C11orf65: variants seen among roughly 807,000 people sequenced by gnomAD.
The protein encoded by C11orf65 is chromosome 11 open reading frame 65.
A neutral mutation model predicts 35.3 loss-of-function variants in C11orf65; 38 were observed. That is an observed-to-expected ratio of 1.08 (90% CI 0.83 to 1.41). The LOEUF (loss-of-function observed/expected upper bound fraction) is 1.41, where lower values mean the gene tolerates loss of function less well. C11orf65 is among the 40% of genes most tolerant of loss of function. The pLI is 0.00. For missense variants in C11orf65, 370 were observed against 367.1 expected, an observed-to-expected ratio of 1.01 and a Z score of -0.06; for synonymous variants, 105 against 114.4, an observed-to-expected ratio of 0.92 and a Z score of 0.53.
chr11:108,351,406 C>T (rs958890722), intron 2 of C11orf65, among the ~76,000 whole-genome samples: 3 of 152,176 alleles, frequency 2.0e-5, no homozygotes, highest in African/African-American at 7.2e-5. Context: ...CCTGTTGCTG[C>T]ATAACAAACC....
chr11:108,355,278 A>G lies in C11orf65; in HGVS notation c.227-19986T>C, dbSNP rs1455379813. On this transcript the variant is annotated intron_variant, in intron 2 of 3. Coordinates refer to the C11orf65 transcript ENST00000524755. ...TCAGACAAATGGAGATCAAATTGTCAGCATCATTACTAGAGGAACATGGCT... is the reference window on the plus strand; with the variant it reads ...TCAGACAAATGGAGATCAAATTGTCGGCATCATTACTAGAGGAACATGGCT... The G allele has an allele frequency of 2.1e-5, 5 of 234,530 alleles. No homozygotes were observed. The East Asian group carries it at 5.3e-4, about 25-fold the overall frequency. 14.5% of individuals were successfully genotyped at this position (234,530 alleles called of 1,614,324 possible).
chr11:108,450,209 G>T (rs970603985), intron 2 of C11orf65, among the ~76,000 whole-genome samples: 2 of 151,972 alleles, frequency 1.3e-5, no homozygotes, highest in Admixed American at 6.6e-5. Context: ...TTCAACCATT[G>T]TGGAAGTCAG....
chr11:108,333,011 C>G, intron 3 of C11orf65: 1 of 1,348,232 alleles, frequency 7.4e-7, no homozygotes, highest in Non-Finnish European at 1.0e-6. Context: ...CAAACGTAAT[C>G]CAAAAGCTTA....
Position 108,354,914 on chromosome 11 carries a change from C to T in C11orf65, c.227-19622G>A, listed in dbSNP as rs1191829305. 5.9e-6 allele frequency: 9 copies of T among 1,524,630 alleles called. No individual in the cohort carries two copies. The African/African-American group carries it at 1.1e-4, about 19-fold the overall frequency. The allele number at this position is 1,524,630 out of a possible 1,614,324, so 94.4% of individuals were successfully genotyped here. ...AAGGAAGACTTTATTTTTTTTCTTA[C>T]CAGGTAGACTGTGTATCTCATCAGG... On this transcript the variant is annotated intron_variant, in intron 2 of 3. Coordinates refer to the C11orf65 transcript ENST00000524755.
At chr11:108,334,491 T>C (rs4988132) in intron 3 of C11orf65, among the ~76,000 whole-genome samples, 2,171 of 152,302 alleles carry the variant, frequency 0.014, 61 homozygotes, top group African/African-American at 0.049. Flanking sequence ...GGGATATATG[T>C]AATAAGGGTT....
At chr11:108,384,113 T>C (rs2091931580) in intron 8 of C11orf65, among the ~76,000 whole-genome samples, 1 of 152,158 alleles carries the variant, frequency 6.6e-6, no homozygotes, top group Non-Finnish European at 1.5e-5. Context: ...CCTCCAAACT[T>C]AGCCTCCCAA....
At chr11:108,416,786 T>C (rs2092739052) in intron 3 of C11orf65, among the ~76,000 whole-genome samples, 1 of 152,194 alleles carries the variant, frequency 6.6e-6, no homozygotes, top group African/African-American at 2.4e-5. Flanking sequence ...GGAGTGGTAA[T>C]TCTTTGCTGG....
At position 108,363,662 on chromosome 11, in the gene C11orf65, G is replaced by A. The variant is rs988884350; in HGVS notation, c.227-28370C>T. Among the ~76,000 whole-genome samples, 5 of 152,194 alleles carry A rather than the reference G, an allele frequency of 3.3e-5. No homozygotes were observed. The East Asian group carries it at 9.6e-4, about 29-fold the overall frequency. The stretch of plus-strand genomic sequence containing the variant: ...AAATACCCCATCCAAAATGACAATA[G>A]TGCTGAGACTGAGAAACCCTGCTCT... On this transcript the variant is annotated intron_variant, in intron 2 of 3. Coordinates refer to the C11orf65 transcript ENST00000524755.
At chr11:108,317,685 T>TAC (rs2084863213) in intron 6 of C11orf65, among the ~76,000 whole-genome samples, 2 of 141,466 alleles carry the variant, frequency 1.4e-5, no homozygotes, top group Admixed American at 7.0e-5. Context: ...TATATATATA[T>TAC]ACATACCATA....
intron 2 of C11orf65, among the ~76,000 whole-genome samples, chr11:108,450,651 C>G (rs1394992729): frequency 1.3e-5 from 2 of 148,458 alleles, no homozygotes; most frequent in Non-Finnish European, 3.0e-5. Flanking sequence ...GGAGGGATAG[C>G]ATTAGGAGAT....
chr11:108,430,874 A>G (rs193260286), intron 3 of C11orf65, among the ~76,000 whole-genome samples: 4 of 147,588 alleles, frequency 2.7e-5, no homozygotes, highest in African/African-American at 9.9e-5. Context: ...ACAAAAAAAA[A>G]CCCAAAACCC....
At chr11:108,317,630 TATATATATATATATATATATATACAC>T (rs1200362959) in intron 6 of C11orf65, 3 of 170,766 alleles carry the variant, frequency 1.8e-5, no homozygotes, top group Non-Finnish European at 3.1e-5. Flanking sequence ...TATATATATA[TATATATATATATATATATATATACAC>T]ACACACACAC....
intron 2 of C11orf65, among the ~76,000 whole-genome samples, chr11:108,457,279 A>C (rs1161437972): frequency 6.6e-6 from 1 of 152,180 alleles, no homozygotes; most frequent in Non-Finnish European, 1.5e-5. Context: ...TTCTAAAGTT[A>C]ATAAAAGATA....
At chr11:108,327,252 G>A, downstream of C11orf65, 1 of 254,398 alleles carries the variant, frequency 3.9e-6, no homozygotes, top group Non-Finnish European at 7.7e-6. Context: ...TATTGGCCCT[G>A]AAGTATGTGC....
intron 2 of C11orf65, among the ~76,000 whole-genome samples, chr11:108,455,550 G>A (rs2135705128): frequency 6.6e-6 from 1 of 152,260 alleles, no homozygotes; most frequent in South Asian, 2.1e-4. Context: ...AGGCACAGTG[G>A]CTCATGCCTG....
At chr11:108,321,137 T>C (rs2085175562) in intron 6 of C11orf65, among the ~76,000 whole-genome samples, 1 of 152,164 alleles carries the variant, frequency 6.6e-6, no homozygotes, top group Non-Finnish European at 1.5e-5. Flanking sequence ...CAAGGGTCAG[T>C]TGTATTTTGT....
chr11:108,416,326 C>T (rs756241657), intron 3 of C11orf65, among the ~76,000 whole-genome samples: 102 of 152,140 alleles, frequency 6.7e-4, no homozygotes, highest in Middle Eastern at 3.4e-3. Context: ...GATATACAGA[C>T]GATACATAAG....
At chr11:108,447,587 G>A (rs11501007) in intron 2 of C11orf65, among the ~76,000 whole-genome samples, 2 of 151,812 alleles carry the variant, frequency 1.3e-5, no homozygotes, top group East Asian at 1.9e-4. Context: ...TGAAACCAAC[G>A]AGAACAAAGG....
At chr11:108,367,751 G>A (rs753553603) in intron 2 of C11orf65, 18 of 216,916 alleles carry the variant, frequency 8.3e-5, no homozygotes, top group Non-Finnish European at 1.5e-4. Flanking sequence ...AGAACTTTTT[G>A]GACTATAAAT....
Sources: allele counts gnomAD v4.1 joint callset (sites outside exome capture counted in the v4.1 genomes callset), GRCh38; gene constraint gnomAD v4.1.1; transcripts MANE v1.5; gene names NCBI Gene and HGNC (gene_info 2026-07-23, HGNC 2026-07-21).